DPP8: variants seen among roughly 807,000 people sequenced by gnomAD.
DPP8 encodes the protein dipeptidyl peptidase 8, also known as DPP VIII.
Under a neutral mutation model 107.5 loss-of-function variants are expected in DPP8, and 31 were observed. That is an observed-to-expected ratio of 0.29 (90% CI 0.22 to 0.39). The LOEUF is 0.39. Ranked by LOEUF, DPP8 falls within the 10% of genes least tolerant of loss-of-function variation. The pLI, the probability that DPP8 is intolerant of heterozygous loss-of-function variation, is 1.00. For synonymous variants in DPP8, 381 were observed against 356.6 expected (o/e 1.07, Z -0.77); for missense variants, 842 against 1,076.1 (o/e 0.78, Z 3.04).
intron 1 of DPP8, chr15:65,516,605 G>C (rs1170933447): frequency 6.6e-6 from 1 of 152,218 alleles, no homozygotes; most frequent in African/African-American, 2.4e-5. Context: ...AAGATGTCAA[G>C]ACACCTCATA....
chr15:65,457,065 T>C (rs2064487209), intron 15 of DPP8, among the ~76,000 whole-genome samples: 1 of 152,162 alleles, frequency 6.6e-6, no homozygotes. Flanking sequence ...TAAAAAGTCA[T>C]ACTTTTGGGC....
intron 1 of DPP8, chr15:65,515,606 T>C (rs1194600253): frequency 3.9e-6 from 6 of 1,552,664 alleles, no homozygotes; most frequent in Non-Finnish European, 5.3e-6. Flanking sequence ...AGTGCATATA[T>C]TTCACTGCCC....
chr15:65,491,504 C>T (rs2068028417), intron 5 of DPP8, among the ~76,000 whole-genome samples: 1 of 152,188 alleles, frequency 6.6e-6, no homozygotes, highest in Non-Finnish European at 1.5e-5. Context: ...AATCACTGAT[C>T]TGATTTCTAT....
chr15:65,482,176 G>A (rs1185822996), intron 8 of DPP8, among the ~76,000 whole-genome samples: 1 of 151,942 alleles, frequency 6.6e-6, no homozygotes. Flanking sequence ...GAGACTACAG[G>A]TAAGGTGTGT....
chr15:65,450,900 ACACT>A (rs2063925361), intron 19 of DPP8, 95 bp downstream of exon 19: 1 of 727,868 alleles, frequency 1.4e-6, no homozygotes, highest in African/African-American at 1.8e-5. Flanking sequence ...CAGAGGGTGG[ACACT>A]CTAAAAATCT....
chr15:65,515,219 G>A lies in DPP8; in HGVS notation c.-12+2267C>T, dbSNP rs559782477. 7.2e-5 allele frequency among the ~76,000 whole-genome samples: 11 copies of A among 152,272 alleles called. No homozygotes were observed. In the South Asian group the frequency reaches 1.7e-3, roughly 23 times the overall value. On this transcript the variant is annotated intron_variant, in intron 1 of 19. Transcript: ENST00000300141. ...GCTGGGATTATAGGTGTGAGTCACC[G>A]CGCCTGGCCATGCCCAGCTTCTTAT...
At position 65,479,116 on chromosome 15, in the gene DPP8, T is replaced by A. The variant is rs389377; in HGVS notation, c.1297-77A>T. The stretch of plus-strand genomic sequence containing the variant: ...ATTCAATTAGGCTACAGGAAAAATT[T>A]CTTGATAAATATACTTTGAAATATA... On this transcript the variant is annotated intron_variant, in intron 10 of 19. Coordinates refer to ENST00000300141, the MANE Select transcript of DPP8 (RefSeq NM_130434.5). 0.071 allele frequency: 69,011 copies of A among 973,284 alleles called. 4,082 individuals are homozygous for A. Among genetic ancestry groups the A allele is most frequent in the African/African-American group, 0.29 (16,583 of 57,516 alleles). 60.3% of individuals were successfully genotyped at this position (973,284 alleles called of 1,614,324 possible). A position where few individuals can be genotyped will look rare whatever the true frequency, so the allele number is the denominator to read the frequency against.
At chr15:65,500,004 T>C (rs1162452971) in intron 4 of DPP8, among the ~76,000 whole-genome samples, 1 of 152,158 alleles carries the variant, frequency 6.6e-6, no homozygotes, top group African/African-American at 2.4e-5. Context: ...CAAGTGATCC[T>C]CCCACCTCAG....
chr15:65,449,478 C>T (rs576408129), intron 19 of DPP8, among the ~76,000 whole-genome samples: 19 of 151,750 alleles, frequency 1.3e-4, no homozygotes, highest in Admixed American at 2.0e-4. Context: ...GGCACGATCT[C>T]GGCTCACTGC....
intron 6 of DPP8, among the ~76,000 whole-genome samples, chr15:65,489,373 A>G (rs1037799199): frequency 6.8e-6 from 1 of 146,612 alleles, no homozygotes; most frequent in Non-Finnish European, 1.5e-5. Context: ...CCACAATACA[A>G]TGGTTTTTAC....
chr15:65,445,751 C>T lies in DPP8; in HGVS notation c.*1133G>A, dbSNP rs2063476706. The T allele has an allele frequency of 6.6e-6, 1 of 152,344 alleles. No individual in the cohort carries two copies. The highest frequency in any genetic ancestry group is 6.6e-5 in the Admixed American group (1 of 15,254). The allele number at this position is 152,344 out of a possible 1,614,324, so 9.4% of individuals were successfully genotyped here. ...AGTAACTCTAAGGAACTTTTCCTCC[C>T]CTGAATCATGTTACTCTGTAGCTGT... On this transcript the variant is annotated 3_prime_UTR_variant, in exon 20 of 20. Transcript: ENST00000300141.
chr15:65,456,230 T>C lies in DPP8; in HGVS notation c.2113A>G (p.Lys705Glu). ...AGTGTTTTATGCTCACACACCATTTTATATTTAAAGGCGCCTTCAAATTTA... is the reference window on the plus strand; with the variant it reads ...AGTGTTTTATGCTCACACACCATTTCATATTTAAAGGCGCCTTCAAATTTA... The part of the protein sequence containing the change: ...GLKFEGAFKY[K>E]MGQIEIDDQV... The change falls in exon 16 of 20, where the codon AAA becomes GAA. Residue 705 changes from lysine to glutamate, a missense_variant. This residue lies in a region of DPP8 where 179 missense variants were observed against 318.0 expected (regional missense o/e 0.56). Transcript: ENST00000300141. The C allele has an allele frequency of 6.2e-7, 1 of 1,607,110 alleles. No individual in the cohort carries two copies. Among genetic ancestry groups the C allele is most frequent in the Non-Finnish European group, 8.5e-7 (1 of 1,178,432 alleles).
intron 11 of DPP8, among the ~76,000 whole-genome samples, chr15:65,477,394 T>TA (rs1404691654): frequency 3.5e-5 from 5 of 141,406 alleles, no homozygotes; most frequent in Non-Finnish European, 6.2e-5. Context: ...AGACTCCGTC[T>TA]CAAAAAAATA....
rs2063410526 is a variant in DPP8, at chr15:65,444,273, T to TA, written c.*2610dup. 6.6e-6 allele frequency: 1 copy of TA among 152,230 alleles called. No individual in the cohort carries two copies. The highest frequency in any genetic ancestry group is 2.4e-5 in the African/African-American group (1 of 41,460). 9.4% of individuals were successfully genotyped at this position (152,230 alleles called of 1,614,324 possible). On this transcript the variant is annotated 3_prime_UTR_variant, in exon 20 of 20. Transcript: ENST00000300141. ...CAAAACTCTACATTTCTTTTAGAAG[T>TA]ATCCCAGATGAATCTTAGATTTTGA... is the stretch of plus-strand genomic sequence containing the variant.
rs780520983 is a variant in DPP8, at chr15:65,467,149, G to A, written c.1611C>T (p.Tyr537=). ...CTCCAGGATTTACGTAACTGACTAC[G>A]TACAGGTGATGCTCTAAAGGGGAGT... ...TKDSPLEHHL[Y]VVSYVNPGEV... is the part of the protein sequence containing the mutation. Residue 537 remains tyrosine, a synonymous_variant, in exon 13 of 20, where the codon TAC becomes TAT. Transcript: ENST00000300141. 52 of 1,613,950 alleles carry A rather than the reference G, an allele frequency of 3.2e-5. No homozygotes were observed. Among genetic ancestry groups the A allele is most frequent in the Non-Finnish European group, 3.7e-5 (44 of 1,179,978 alleles).
At chr15:65,466,600 T>C (rs2065375165) in intron 14 of DPP8, 78 bp downstream of exon 14, 7 of 1,315,136 alleles carry the variant, frequency 5.3e-6, no homozygotes, top group Non-Finnish European at 5.4e-6. Context: ...GTCCAGGAAA[T>C]GTGAAAATAT....
rs780174699 is a variant in DPP8, at chr15:65,451,011, T to C, written c.2514A>G (p.Pro838=). The C allele has an allele frequency of 6.3e-7, 1 of 1,583,088 alleles. No individual in the cohort carries two copies. The highest frequency in any genetic ancestry group is 1.1e-5 in the South Asian group (1 of 89,940). Reference sequence around the variant, plus strand: ...TAGAGTAACTCACCTGTAAATCATATGGCTTTCCAGCCCTCACTAAAAAAC... The same window carrying C: ...TAGAGTAACTCACCTGTAAATCATACGGCTTTCCAGCCCTCACTAAAAAAC... The part of the protein sequence containing the change: ...LLSFLVRAGK[P]YDLQIYPQER... The change falls in exon 19 of 20, where the codon CCA becomes CCG. Residue 838 remains proline, a synonymous_variant. Transcript: ENST00000300141.
intron 10 of DPP8, 114 bp downstream of exon 10, chr15:65,480,108 T>C (rs1272057906): frequency 3.6e-6 from 3 of 839,366 alleles, no homozygotes; most frequent in Non-Finnish European, 5.4e-6. Context: ...ACTAAAGAAA[T>C]AACATGGTCC....
intron 3 of DPP8, among the ~76,000 whole-genome samples, chr15:65,501,956 C>G (rs1427043796): frequency 6.6e-6 from 1 of 152,210 alleles, no homozygotes; most frequent in Non-Finnish European, 1.5e-5. Flanking sequence ...GTGGCGTGAT[C>G]TCAGCTCACT....
Sources: gnomAD v4.1 joint callset for allele counts (sites outside exome capture counted in the v4.1 genomes callset) on GRCh38, gnomAD v4.1.1 for gene constraint, gnomAD v4.1.1 regional missense constraint, MANE v1.5 for transcripts, NCBI Gene and HGNC (gene_info 2026-07-23, HGNC 2026-07-21) for gene names.